Variants in DPP9 observed in about 807,000 individuals in gnomAD.
The protein encoded by DPP9 is dipeptidyl peptidase 9, also known as dipeptidyl peptidase IV-related protein-2.
A neutral mutation model predicts 110.7 loss-of-function variants in DPP9; 50 were observed. The ratio of observed to expected loss-of-function variants is 0.45; its 90% CI spans 0.36 to 0.57. DPP9 has a LOEUF of 0.57. Among genes scored for constraint, DPP9 ranks in the 20% least tolerant of loss-of-function variants. The pLI, the probability that DPP9 is intolerant of heterozygous loss-of-function variation, is 0.00. For synonymous variants in DPP9, 561 were observed against 514.4 expected (o/e 1.09, Z -1.23); for missense variants, 1,022 against 1,217.9 (o/e 0.84, Z 2.39).
chr19:4,703,653 C>CCTGGGT, intron 7 of DPP9, among the ~76,000 whole-genome samples: 1 of 149,408 alleles, frequency 6.7e-6, no homozygotes, highest in Non-Finnish European at 1.5e-5. Flanking sequence ...TGCACTCCCA[C>CCTGGGT]ATGGGTGAGA....
chr19:4,684,744 C>G lies in DPP9; in HGVS notation c.2097G>C (p.Leu699=), dbSNP rs543099736. 6.2e-7 allele frequency: 1 copy of G among 1,609,062 alleles called. No individual in the cohort carries two copies. Among genetic ancestry groups the G allele is most frequent in the East Asian group, 2.2e-5 (1 of 44,710 alleles). ...CGTCAATCACAACCACGGCGTAGCC[C>G]AGGGAGGCCAGTGTGTTGAGCCGCA... ...KYLRLNTLAS[L]GYAVVVIDGR... The change falls in exon 18 of 22, where the codon CTG becomes CTC. Residue 699 remains leucine (L), a synonymous_variant. Coordinates refer to ENST00000262960, the MANE Select transcript of DPP9 (RefSeq NM_139159.5). This position sits in a 1 kb window ranked among gnomAD's most constrained non-coding sequence, Gnocchi z 4.8.
intron 4 of DPP9, 106 bp downstream of exon 4, chr19:4,713,975 C>T: frequency 2.8e-6 from 4 of 1,433,420 alleles, no homozygotes; most frequent in Middle Eastern, 2.5e-4. Flanking sequence ...GCCCAGCCAT[C>T]CGAGCAGATC....
chr19:4,708,920 A>C (rs1453815000), intron 4 of DPP9, among the ~76,000 whole-genome samples: 2 of 152,114 alleles, frequency 1.3e-5, no homozygotes, highest in Non-Finnish European at 2.9e-5. Flanking sequence ...CCTTGAACCT[A>C]AAAGTTTGTT....
At chr19:4,679,594 G>A in intron 21 of DPP9, 1 of 532,724 alleles carries the variant, frequency 1.9e-6, no homozygotes, top group East Asian at 3.2e-5. Flanking sequence ...GGCAGCCCCC[G>A]ATCCCGTGCT....
intron 3 of DPP9, chr19:4,717,481 C>G (rs573327978): frequency 2.0e-5 from 3 of 152,376 alleles, no homozygotes; most frequent in East Asian, 3.9e-4. Flanking sequence ...TCAAGCCTGG[C>G]TCACGGCAGC....
Position 4,704,276 on chromosome 19 carries a change from C to T in DPP9, c.455G>A (p.Arg152Gln). The change falls in exon 6 of 22, where the codon CGG (arginine) becomes CAG (glutamine). Residue 152 changes from arginine to glutamine, a missense_variant. Around this residue, in one of 3 missense-constraint regions of DPP9, gnomAD observed 810 missense variants for 920.6 expected, o/e 0.88. Coordinates refer to ENST00000262960, the MANE Select transcript of DPP9 (RefSeq NM_139159.5). The surrounding 1 kb of genome is among the most constrained non-coding windows in gnomAD (Gnocchi z 6.0). ...CCGCTCCCTCAGCAGCTCCTCCTCC[C>T]GAGAGTAGACCCCATGGTGGGGCGT... Reference protein sequence around the residue: ...QATPHHGVYSREEELLRERKR... With the variant: ...QATPHHGVYSQEEELLRERKR... The T allele has an allele frequency of 3.7e-6, 6 of 1,613,530 alleles. No homozygotes were observed. Among genetic ancestry groups the T allele is most frequent in the Non-Finnish European group, 4.2e-6 (5 of 1,179,884 alleles).
chr19:4,698,626 G>A lies in DPP9; in HGVS notation c.1075-975C>T, dbSNP rs1234873142. On this transcript the variant is annotated intron_variant, in intron 10 of 21. Coordinates refer to ENST00000262960, the MANE Select transcript of DPP9 (RefSeq NM_139159.5). This position sits in a 1 kb window ranked among gnomAD's most constrained non-coding sequence, Gnocchi z 4.2. ...TAGTTAGGTGTGGTGGTGCATGCCT[G>A]TAGTCCCAGCTACTCAAGAGGCTGA... 6.6e-6 allele frequency among the ~76,000 whole-genome samples: 1 copy of A among 152,182 alleles called. No homozygotes were observed. Among genetic ancestry groups the A allele is most frequent in the East Asian group, 1.9e-4 (1 of 5,188 alleles).
At chr19:4,683,376 G>A in intron 19 of DPP9, 101 bp downstream of exon 19, 12 of 1,548,336 alleles carry the variant, frequency 7.8e-6, no homozygotes, top group Non-Finnish European at 1.0e-5. Context: ...CGCCTCCCCG[G>A]TAGGTGGGCT....
intron 13 of DPP9, among the ~76,000 whole-genome samples, chr19:4,692,866 T>G (rs1390181222): frequency 6.6e-6 from 1 of 152,102 alleles, no homozygotes; most frequent in Non-Finnish European, 1.5e-5. Flanking sequence ...CCAGTAAGTC[T>G]GCACTGGCCG....
In DPP9 at chr19:4,704,218, G is replaced by A. The variant is rs575000255; in HGVS notation, c.513C>T (p.Tyr171=). ...AGAGGCCACTCTCGCTGTGGAAGTC[G>A]TAGGAGGTGATGCCGAAGACCCCCA... ...KRLGVFGITS[Y]DFHSESGLFL... is the part of the protein sequence containing the mutation. Residue 171 remains tyrosine, a synonymous_variant, in exon 6 of 22, where the codon TAC becomes TAT. Transcript: ENST00000262960. The surrounding 1 kb of genome is among the most constrained non-coding windows in gnomAD (Gnocchi z 6.0). 2.2e-5 allele frequency: 36 copies of A among 1,614,010 alleles called. No homozygotes were observed. In the South Asian group the frequency reaches 2.5e-4, roughly 11 times the overall value.
At position 4,704,634 on chromosome 19, in the gene DPP9, C is replaced by T. The variant is rs963993611; in HGVS notation, c.427-330G>A. On this transcript the variant is annotated intron_variant, in intron 5 of 21. Transcript: ENST00000262960. The surrounding 1 kb of genome is among the most constrained non-coding windows in gnomAD (Gnocchi z 6.0). ...TGGGGGCCCCTGGGAGGGGCTGTCC[C>T]TGCCCCACACCACCGGAGTACTCTC... Among the ~76,000 whole-genome samples the T allele has an allele frequency of 2.6e-5, 4 of 152,216 alleles. No homozygotes were observed. Among genetic ancestry groups the T allele is most frequent in the Non-Finnish European group, 5.9e-5 (4 of 68,036 alleles).
Position 4,688,750 on chromosome 19 carries a change from T to C in DPP9, c.1885+7A>G. Reference sequence around the variant, plus strand: ...GGCCTCCGTGGGGCGGGGCAGGGGCTACTCACTGGCTGCCTCCATCATGCT... The same window carrying C: ...GGCCTCCGTGGGGCGGGGCAGGGGCCACTCACTGGCTGCCTCCATCATGCT... On this transcript the variant is annotated splice_region_variant and intron_variant, in intron 16 of 21. Transcript: ENST00000262960. The C allele has an allele frequency of 1.4e-6, 2 of 1,436,188 alleles. No individual in the cohort carries two copies. The highest frequency in any genetic ancestry group is 1.8e-6 in the Non-Finnish European group (2 of 1,100,020). The allele number at this position is 1,436,188 out of a possible 1,614,324, so 89.0% of individuals were successfully genotyped here.
At chr19:4,712,294 AC>A (rs1195842522) in intron 4 of DPP9, among the ~76,000 whole-genome samples, 1 of 152,112 alleles carries the variant, frequency 6.6e-6, no homozygotes, top group Non-Finnish European at 1.5e-5. Context: ...GATGCCTGAA[AC>A]CCTAGCATTT....
chr19:4,679,988 C>T (rs567798144), intron 20 of DPP9, 42 bp from the exon 21 acceptor site: 37 of 1,477,138 alleles, frequency 2.5e-5, no homozygotes, highest in Non-Finnish European at 3.1e-5. Flanking sequence ...AGGGATTGTC[C>T]GTGGGGTAGG....
intron 3 of DPP9, among the ~76,000 whole-genome samples, chr19:4,714,879 C>A (rs868539001): frequency 4.6e-5 from 7 of 152,232 alleles, no homozygotes; most frequent in South Asian, 2.1e-4. Context: ...TGTGACCCAG[C>A]CAAATGAGCC....
At chr19:4,691,233 G>A (rs1190291180) in intron 13 of DPP9, among the ~76,000 whole-genome samples, 1 of 152,150 alleles carries the variant, frequency 6.6e-6, no homozygotes, top group African/African-American at 2.4e-5. Flanking sequence ...CAGCACTTTG[G>A]GAGGCCGAGG....
rs746663041 is a variant in DPP9 at position 4,683,367 on chromosome 19, G to A, written c.2331+110C>T. ...CACGTGGCAAGGCCCCTGCCGAGGC[G>A]CCTCCCCGGTAGGTGGGCTCCGGGT... On this transcript the variant is annotated intron_variant, in intron 19 of 21. Transcript: ENST00000262960. The A allele has an allele frequency of 2.5e-5, 38 of 1,528,214 alleles. No homozygotes were observed. In the South Asian group the frequency reaches 4.1e-4, roughly 17 times the overall value. The allele number at this position is 1,528,214 out of a possible 1,614,324, so 94.7% of individuals were successfully genotyped here. A position where few individuals can be genotyped will look rare whatever the true frequency, so the allele number is the denominator to read the frequency against.
chr19:4,682,949 C>G lies in DPP9; in HGVS notation c.2332-111G>C. The G allele has an allele frequency of 2.0e-6, 3 of 1,534,468 alleles. No individual in the cohort carries two copies. Among genetic ancestry groups the G allele is most frequent in the Middle Eastern group, 1.7e-4 (1 of 5,866 alleles). On this transcript the variant is annotated intron_variant, in intron 19 of 21. Coordinates refer to ENST00000262960, the MANE Select transcript of DPP9 (RefSeq NM_139159.5). The surrounding 1 kb of genome is among the most constrained non-coding windows in gnomAD (Gnocchi z 7.1). ...GGGCCGCCCTGGAGCCCGTGAGGAG[C>G]GCTCATGCACATGGGGCCGGCAAGG...
intron 7 of DPP9, among the ~76,000 whole-genome samples, chr19:4,703,631 C>T (rs899820632): frequency 4.6e-5 from 7 of 150,820 alleles, no homozygotes; most frequent in African/African-American, 1.2e-4. Flanking sequence ...CCTGCGCTCC[C>T]GCCTGGGCAA....
Sources: gnomAD v4.1 joint callset for allele counts (sites outside exome capture counted in the v4.1 genomes callset) on GRCh38, gnomAD v4.1.1 for gene constraint, gnomAD v4.1.1 regional missense constraint, Gnocchi (gnomAD v3.1) non-coding constraint, MANE v1.5 for transcripts, NCBI Gene and HGNC (gene_info 2026-07-23, HGNC 2026-07-21) for gene names.